MGAT1: variants seen among roughly 807,000 people sequenced by gnomAD.
The protein encoded by MGAT1 is N-glycosyl-oligosaccharide-glycoprotein N-acetylglucosaminyltransferase I.
A neutral mutation model predicts 31.7 loss-of-function variants in MGAT1; 14 were observed. That is an observed-to-expected ratio of 0.44 (90% confidence interval 0.29 to 0.69). The LOEUF (loss-of-function observed/expected upper bound fraction) is 0.69. Among genes scored for constraint, MGAT1 ranks in the 30% least tolerant of loss-of-function variants. MGAT1 has a pLI of 0.12. For missense variants in MGAT1, 557 were observed against 626.0 expected (o/e 0.89, Z 1.18); for synonymous variants, 338 against 276.0 (o/e 1.22, Z -2.23).
At chr5:180,797,441 C>CTT (rs1769704517) in intron 1 of MGAT1, among the ~76,000 whole-genome samples, 1 of 110,684 alleles carries the variant, frequency 9.0e-6, no homozygotes, top group African/African-American at 3.5e-5. Flanking sequence ...GGGGGGGGGG[C>CTT]CCAGAGGGAT....
chr5:180,799,897 G>A (rs1770353509), intron 1 of MGAT1, among the ~76,000 whole-genome samples: 2 of 152,036 alleles, frequency 1.3e-5, no homozygotes, highest in Non-Finnish European at 1.5e-5. Context: ...ATATGGACAG[G>A]ACACTGCTAC....
intron 1 of MGAT1, chr5:180,809,936 C>T (rs1772363141): frequency 6.6e-6 from 1 of 152,414 alleles, no homozygotes; most frequent in African/African-American, 2.4e-5. Context: ...CCCCGTGCCC[C>T]GTGTTCACAA....
intron 1 of MGAT1, chr5:180,811,113 G>A (rs1197693148): frequency 6.6e-6 from 1 of 152,230 alleles, no homozygotes; most frequent in Non-Finnish European, 1.5e-5. Context: ...TTCCTATGCA[G>A]CCCTCTCCCG....
At chr5:180,804,211 T>C (rs1298988757), upstream of MGAT1, among the ~76,000 whole-genome samples, 1 of 152,208 alleles carries the variant, frequency 6.6e-6, no homozygotes, top group African/African-American at 2.4e-5. Context: ...ATCCCCATTC[T>C]ACAGATAACT....
chr5:180,792,629 G>A lies in MGAT1; in HGVS notation c.343C>T (p.Arg115Cys). 2 of 1,596,046 alleles carry A rather than the reference G, an allele frequency of 1.3e-6. No homozygotes were observed. The highest frequency in any genetic ancestry group is 1.7e-6 in the Non-Finnish European group (2 of 1,169,368). The change falls in exon 2 of 2, where the codon CGC becomes TGC. Residue 115 changes from arginine (R) to cysteine (C), a missense_variant. Around this residue, in one of 3 missense-constraint regions of MGAT1, gnomAD observed 245 missense variants for 332.9 expected, o/e 0.74. Transcript: ENST00000307826. ...VIPILVIACDRSTVRRCLDKL... is the reference protein window; with the variant it reads ...VIPILVIACDCSTVRRCLDKL... ...TCCAGGCAGCGCCGAACAGTGCTGCGGTCACAGGCGATGACCAGGATGGGA... is the reference window on the plus strand; with the variant it reads ...TCCAGGCAGCGCCGAACAGTGCTGCAGTCACAGGCGATGACCAGGATGGGA...
At chr5:180,794,942 A>T (rs1307423513) in intron 1 of MGAT1, among the ~76,000 whole-genome samples, 2 of 152,252 alleles carry the variant, frequency 1.3e-5, no homozygotes, top group Admixed American at 6.5e-5. Flanking sequence ...GCCCATCAAC[A>T]GGGAAATACA....
intron 1 of MGAT1, among the ~76,000 whole-genome samples, chr5:180,796,312 C>A (rs562156682): frequency 1.3e-3 from 203 of 152,320 alleles, no homozygotes; most frequent in Non-Finnish European, 2.2e-3. Flanking sequence ...TCCTAGAAAC[C>A]AACCACCCCC....
At chr5:180,794,155 G>A (rs1476258032) in intron 1 of MGAT1, among the ~76,000 whole-genome samples, 1 of 150,974 alleles carries the variant, frequency 6.6e-6, no homozygotes, top group African/African-American at 2.4e-5. Context: ...AATACAGGAG[G>A]ATCACTTGAG....
intron 2 of MGAT1, chr5:180,808,412 T>C (rs1370183533): frequency 2.6e-5 from 4 of 152,270 alleles, no homozygotes; most frequent in African/African-American, 9.7e-5. Context: ...CATGTTCTCC[T>C]TGGCCTAACC....
intron 1 of MGAT1, chr5:180,810,574 T>G (rs1320248039): frequency 6.6e-6 from 1 of 152,012 alleles, no homozygotes; most frequent in Non-Finnish European, 1.5e-5. Context: ...GACGCTGAAG[T>G]AGGGGCGGAA....
intron 1 of MGAT1, among the ~76,000 whole-genome samples, chr5:180,800,888 T>C (rs1482258675): frequency 1.6e-4 from 24 of 152,258 alleles, no homozygotes; most frequent in Non-Finnish European, 2.8e-4. Flanking sequence ...TGATGTCATT[T>C]ATGAGACTGG....
At chr5:180,814,735 T>A (rs1772763091) in intron 1 of MGAT1, among the ~76,000 whole-genome samples, 1 of 150,996 alleles carries the variant, frequency 6.6e-6, no homozygotes, top group Non-Finnish European at 1.5e-5. Flanking sequence ...AGGTCAGGAG[T>A]TGAAGACCAA....
chr5:180,814,128 C>A (rs1262203170), intron 1 of MGAT1, among the ~76,000 whole-genome samples: 1 of 152,164 alleles, frequency 6.6e-6, no homozygotes, highest in African/African-American at 2.4e-5. Context: ...CATTGTAATT[C>A]ATTTCAGAAA....
In MGAT1 at chr5:180,794,400, A is replaced by AT. The variant is rs888557253; in HGVS notation, c.-126-1304dup. Among the ~76,000 whole-genome samples, 5 of 122,538 alleles carry AT rather than the reference A, an allele frequency of 4.1e-5. No homozygotes were observed. The East Asian group carries it at 1.1e-3, about 28-fold the overall frequency. 80.4% of individuals were successfully genotyped at this position (122,538 alleles called of 152,430 possible). Reference sequence around the variant, plus strand: ...GAGAGTGAGACTCTGTCTCAAAAAAATTTTTTTTTATTATATATATATATA... The same window carrying AT: ...GAGAGTGAGACTCTGTCTCAAAAAAATTTTTTTTTTATTATATATATATATA... On this transcript the variant is annotated intron_variant, in intron 1 of 1. Transcript: ENST00000307826.
In MGAT1 at chr5:180,792,421, T is replaced by C; in HGVS notation, c.551A>G (p.Lys184Arg). The change falls in exon 2 of 2, where the codon AAG becomes AGG. Residue 184 changes from lysine to arginine, a missense_variant. Lys to Arg is a conservative substitution (Grantham distance 26). Coordinates refer to ENST00000307826, the MANE Select transcript of MGAT1 (RefSeq NM_002406.4). ...CGCCCAGCGGTAGTGGCGCGCGATC[T>C]TGTAGTAGCCCTGGAACTTGCGGTG... The part of the protein sequence containing the change: ...PDHRKFQGYY[K>R]IARHYRWALG... The C allele has an allele frequency of 1.2e-6, 2 of 1,611,322 alleles. No homozygotes were observed. Among genetic ancestry groups the C allele is most frequent in the South Asian group, 2.2e-5 (2 of 90,962 alleles).
At chr5:180,802,017 C>T (rs1331629796) in intron 1 of MGAT1, among the ~76,000 whole-genome samples, 3 of 152,114 alleles carry the variant, frequency 2.0e-5, no homozygotes, top group African/African-American at 7.2e-5. Flanking sequence ...CCGTAAATGA[C>T]TGAAAATAAA....
Position 180,792,664 on chromosome 5 carries a change from GGC to G in MGAT1, c.306_307del (p.Pro103GlyfsTer11). 1 of 1,576,476 alleles carries G rather than the reference GGC, an allele frequency of 6.3e-7. No homozygotes were observed. On this transcript the variant is annotated frameshift_variant, in exon 2 of 2. Transcript: ENST00000307826. LOFTEE classifies it high-confidence loss of function. ...GATGACCAGGATGGGAATCACCGCC[GGC>G]GCGGGGGTCACAGGCACACGCGGCT... is the stretch of plus-strand genomic sequence containing the variant.
intron 1 of MGAT1, among the ~76,000 whole-genome samples, chr5:180,800,571 T>C (rs772060887): frequency 3.9e-5 from 6 of 152,008 alleles, no homozygotes; most frequent in Non-Finnish European, 8.8e-5. Flanking sequence ...GTCCTGGAAG[T>C]GGTGGCTGCA....
At chr5:180,812,114 T>A (rs568206672) in intron 1 of MGAT1, among the ~76,000 whole-genome samples, 1 of 152,224 alleles carries the variant, frequency 6.6e-6, no homozygotes, top group Non-Finnish European at 1.5e-5. Flanking sequence ...TACTAGAATT[T>A]AAGTTCCCTG....
Sources: allele counts gnomAD v4.1 joint callset (sites outside exome capture counted in the v4.1 genomes callset), GRCh38; gene constraint gnomAD v4.1.1; regional missense constraint gnomAD v4.1.1; transcripts MANE v1.5; gene names NCBI Gene and HGNC (gene_info 2026-07-23, HGNC 2026-07-21).